The following NOVA2 variants were observed in gnomAD, a reference collection of about 807,000 sequenced individuals.
NOVA2 encodes the protein RNA-binding protein Nova-2.
In NOVA2, 9 loss-of-function variants were observed where a neutral mutation model predicts 22.5. The ratio of observed to expected loss-of-function variants is 0.40; its 90% CI spans 0.24 to 0.70. The LOEUF (loss-of-function observed/expected upper bound fraction) is 0.70, where lower values mean the gene tolerates loss of function less well. Among genes scored for constraint, NOVA2 ranks in the 30% least tolerant of loss-of-function variants. NOVA2 has a pLI of 0.38. For missense variants in NOVA2, 383 were observed against 682.8 expected (o/e 0.56, Z 4.89); for synonymous variants, 318 against 335.2 (o/e 0.95, Z 0.56).
At chr19:45,945,637 T>C (rs1967824982) in intron 3 of NOVA2, among the ~76,000 whole-genome samples, 1 of 152,074 alleles carries the variant, frequency 6.6e-6, no homozygotes, top group South Asian at 2.1e-4. Context: ...GTGAGTTGTA[T>C]GTGAATTATA....
intron 3 of NOVA2, among the ~76,000 whole-genome samples, chr19:45,941,488 C>T (rs934191448): frequency 6.6e-6 from 1 of 152,048 alleles, no homozygotes; most frequent in Non-Finnish European, 1.5e-5. Context: ...TTTACGGTGG[C>T]TGGAGACTGA....
intron 1 of NOVA2, among the ~76,000 whole-genome samples, chr19:45,971,212 T>G (rs1319877301): frequency 6.6e-6 from 1 of 152,322 alleles, no homozygotes; most frequent in Non-Finnish European, 1.5e-5. Flanking sequence ...GTGACTGTTA[T>G]TAGCAGCAGT....
chr19:45,963,140 G>A (rs1250246037), intron 1 of NOVA2, among the ~76,000 whole-genome samples: 1 of 151,972 alleles, frequency 6.6e-6, no homozygotes, highest in Non-Finnish European at 1.5e-5. Flanking sequence ...TGTGGAAGGC[G>A]GAGGCGGAGG....
chr19:45,961,138 A>G lies in NOVA2; in HGVS notation c.101T>C (p.Phe34Ser). The change falls in exon 2 of 4, where the codon TTC (phenylalanine) becomes TCC (serine). Residue 34 changes from phenylalanine to serine, a missense_variant. Phe to Ser is a radical substitution (Grantham distance 155). Transcript: ENST00000263257. Reference sequence around the variant, plus strand: ...GTAGCTGGGGATCAGCACCTTCAGGAAGTATTCGCCTTCCTCTGCGGGGGC... The same window carrying G: ...GTAGCTGGGGATCAGCACCTTCAGGGAGTATTCGCCTTCCTCTGCGGGGGC... The part of the protein sequence containing the change: ...RSNTGEEGEY[F>S]LKVLIPSYAA... The G allele has an allele frequency of 6.2e-7, 1 of 1,600,782 alleles. No homozygotes were observed. The highest frequency in any genetic ancestry group is 1.3e-5 in the African/African-American group (1 of 74,830).
intron 3 of NOVA2, among the ~76,000 whole-genome samples, chr19:45,947,660 G>A (rs547416464): frequency 7.2e-5 from 11 of 151,970 alleles, no homozygotes; most frequent in South Asian, 6.2e-4. Context: ...TTTTAGTAGC[G>A]ATGGGGTTTT....
chr19:45,950,590 G>C (rs1419110835), intron 3 of NOVA2, among the ~76,000 whole-genome samples: 1 of 152,206 alleles, frequency 6.6e-6, no homozygotes, highest in Non-Finnish European at 1.5e-5. Flanking sequence ...AAGATCTGCA[G>C]ATGCAGACTC....
At chr19:45,966,012 A>G (rs1295881405) in intron 1 of NOVA2, among the ~76,000 whole-genome samples, 1 of 152,238 alleles carries the variant, frequency 6.6e-6, no homozygotes, top group African/African-American at 2.4e-5. Context: ...ACACAGAGCA[A>G]GCACCCTATA....
chr19:45,963,711 T>C (rs1968128921), intron 1 of NOVA2, among the ~76,000 whole-genome samples: 1 of 152,000 alleles, frequency 6.6e-6, no homozygotes, highest in Non-Finnish European at 1.5e-5. Flanking sequence ...TTTGTATTTT[T>C]AGTAGAGACG....
intron 3 of NOVA2, among the ~76,000 whole-genome samples, chr19:45,947,070 C>T (rs954531173): frequency 6.6e-6 from 1 of 152,100 alleles, no homozygotes; most frequent in Non-Finnish European, 1.5e-5. Context: ...TTCCTCTTCT[C>T]CGCTTTATTT....
At chr19:45,963,139 C>T (rs939528212) in intron 1 of NOVA2, among the ~76,000 whole-genome samples, 4 of 152,038 alleles carry the variant, frequency 2.6e-5, no homozygotes, top group African/African-American at 9.6e-5. Context: ...CTGTGGAAGG[C>T]GGAGGCGGAG....
chr19:45,953,196 G>T (rs1600607129), intron 3 of NOVA2, among the ~76,000 whole-genome samples: 1 of 152,184 alleles, frequency 6.6e-6, no homozygotes, highest in East Asian at 1.9e-4. Context: ...GCCACTCCCT[G>T]CCACGCCCCT....
intron 2 of NOVA2, among the ~76,000 whole-genome samples, chr19:45,956,097 C>A (rs1193682124): frequency 1.3e-5 from 2 of 152,164 alleles, no homozygotes; most frequent in African/African-American, 2.4e-5. Flanking sequence ...TAGCTGACAT[C>A]CCCCACCCGC....
chr19:45,966,240 A>G (rs1428991723), intron 1 of NOVA2, among the ~76,000 whole-genome samples: 1 of 151,826 alleles, frequency 6.6e-6, no homozygotes, highest in Admixed American at 6.6e-5. Flanking sequence ...TGCCCCTTTT[A>G]TGTCCTTCTG....
intron 3 of NOVA2, among the ~76,000 whole-genome samples, chr19:45,950,114 C>G (rs932580160): frequency 6.6e-6 from 1 of 151,476 alleles, no homozygotes; most frequent in African/African-American, 2.4e-5. Context: ...CCTTTCTCAT[C>G]TCCAGTATTA....
intron 3 of NOVA2, among the ~76,000 whole-genome samples, chr19:45,942,222 G>C (rs10403494): frequency 0.021 from 3,175 of 152,266 alleles, 110 homozygotes; most frequent in African/African-American, 0.073. Context: ...TTTAGAATTT[G>C]ACTATATTTG....
rs541238565 is a variant in NOVA2 at position 45,938,185 on chromosome 19, T to A, written c.*1678A>T. On this transcript the variant is annotated 3_prime_UTR_variant, in exon 4 of 4. Transcript: ENST00000263257. ...TCAGCTATCCTAGTCTACATGGTTG[T>A]CAGGCCCTGAAATCTCAGTCTGCCA... is the stretch of plus-strand genomic sequence containing the variant. The A allele has an allele frequency of 1.3e-5, 2 of 152,310 alleles. No individual in the cohort carries two copies. Among genetic ancestry groups the A allele is most frequent in the Admixed American group, 6.5e-5 (1 of 15,302 alleles). The allele number at this position is 152,310 out of a possible 1,614,324, so 9.4% of individuals were successfully genotyped here. A position where few individuals can be genotyped will look rare whatever the true frequency, so the allele number is the denominator to read the frequency against.
Position 45,940,569 on chromosome 19 carries a change from A to G in NOVA2, c.773T>C (p.Leu258Pro). 1.4e-6 allele frequency: 2 copies of G among 1,451,872 alleles called. No individual in the cohort carries two copies. The highest frequency in any genetic ancestry group is 1.8e-6 in the Non-Finnish European group (2 of 1,103,742). The allele number at this position is 1,451,872 out of a possible 1,614,324, so 89.9% of individuals were successfully genotyped here. ...AASGLLGPAG[L>P]AGVGAFPAAL... ...GGCGGGAAAGGCCCCCACGCCAGCCAGCCCGGCGGGGCCCAGCAGGCCGGA... is the reference window on the plus strand; with the variant it reads ...GGCGGGAAAGGCCCCCACGCCAGCCGGCCCGGCGGGGCCCAGCAGGCCGGA... The change falls in exon 4 of 4, where the codon CTG (leucine) becomes CCG (proline). Residue 258 changes from leucine (L) to proline (P), a missense_variant. Around this residue, in one of 2 missense-constraint regions of NOVA2, gnomAD observed 349 missense variants for 578.1 expected, o/e 0.60. Transcript: ENST00000263257.
chr19:45,946,613 C>A (rs1465728652), intron 3 of NOVA2, among the ~76,000 whole-genome samples: 1 of 152,178 alleles, frequency 6.6e-6, no homozygotes, highest in Non-Finnish European at 1.5e-5. Flanking sequence ...GTGGCTCACG[C>A]CTGTAATCCC....
chr19:45,966,479 G>A (rs559625695), intron 1 of NOVA2, among the ~76,000 whole-genome samples: 12 of 152,000 alleles, frequency 7.9e-5, no homozygotes, highest in African/African-American at 2.7e-4. Flanking sequence ...TGTTGCCCAG[G>A]CTGGTCTTGA....
Sources: gnomAD v4.1 joint callset for allele counts (sites outside exome capture counted in the v4.1 genomes callset) on GRCh38, gnomAD v4.1.1 for gene constraint, gnomAD v4.1.1 regional missense constraint, MANE v1.5 for transcripts, NCBI Gene and HGNC (gene_info 2026-07-23, HGNC 2026-07-21) for gene names.